Variants in ITSN1 observed in about 807,000 individuals in gnomAD.
ITSN1 encodes the protein intersectin 1, also known as intersectin-1.
In ITSN1, 58 loss-of-function variants were observed where a neutral mutation model predicts 239.8. The observed-to-expected ratio is 0.24, with a 90% confidence interval of 0.20 to 0.30. ITSN1 has a LOEUF of 0.30. Among genes scored for constraint, ITSN1 ranks in the 10% least tolerant of loss-of-function variants. The pLI is 1.00. For synonymous variants in ITSN1, 780 were observed against 770.8 expected (o/e 1.01, Z -0.20); for missense variants, 1,558 against 2,103.3 (o/e 0.74, Z 5.07).
At chr21:33,695,640 GGGCCTTTA>G (rs2091760091) in intron 1 of ITSN1, among the ~76,000 whole-genome samples, 6 of 152,280 alleles carry the variant, frequency 3.9e-5, no homozygotes, top group Non-Finnish European at 7.4e-5. Context: ...GAGTATAAGT[GGGCCTTTA>G]GAAAGTTTTT....
At chr21:33,855,681 C>T (rs1979189973) in intron 29 of ITSN1, among the ~76,000 whole-genome samples, 1 of 152,260 alleles carries the variant, frequency 6.6e-6, no homozygotes, top group Non-Finnish European at 1.5e-5. Flanking sequence ...CATGAGTGAG[C>T]CCCACTTCCA....
chr21:33,838,191 C>T, intron 29 of ITSN1: 6 of 985,342 alleles, frequency 6.1e-6, no homozygotes, highest in Non-Finnish European at 7.2e-6. Context: ...CTGCTCACAG[C>T]ACAGAAAATG....
At chr21:33,722,779 T>C in intron 4 of ITSN1, 128 bp downstream of exon 4, 1 of 876,906 alleles carries the variant, frequency 1.1e-6, no homozygotes, top group Non-Finnish European at 1.6e-6. Context: ...TGAAATATCT[T>C]GTTACTTCTT....
At chr21:33,884,143 C>A (rs1985405957) in intron 36 of ITSN1, among the ~76,000 whole-genome samples, 1 of 152,066 alleles carries the variant, frequency 6.6e-6, no homozygotes, top group African/African-American at 2.4e-5. Flanking sequence ...CTCAAGGGAT[C>A]CACCCGCCTT....
intron 4 of ITSN1, among the ~76,000 whole-genome samples, chr21:33,732,513 A>G (rs986663238): frequency 5.3e-5 from 8 of 152,266 alleles, no homozygotes; most frequent in African/African-American, 1.4e-4. Context: ...CTATTAAACT[A>G]TTAGCTCTAG....
intron 29 of ITSN1, among the ~76,000 whole-genome samples, chr21:33,842,185 G>T (rs545401563): frequency 3.3e-5 from 5 of 151,902 alleles, no homozygotes. Flanking sequence ...GTGAGCCACC[G>T]CGCCCGGCCA....
Position 33,834,399 on chromosome 21 carries a change from A to G in ITSN1, c.3444A>G (p.Pro1148=), listed in dbSNP as rs1376343538. ...PGTSKITPTE[P]PKSTALAAVC... ...CGAGCAAAATCACTCCAACAGAGCC[A>G]CCTAAGTCAACAGCATTAGCGGCAG... The change falls in exon 28 of 40, where the codon CCA becomes CCG. Residue 1148 remains proline (P), a synonymous_variant. Coordinates refer to ENST00000381318, the MANE Select transcript of ITSN1 (RefSeq NM_003024.3). 6.2e-7 allele frequency: 1 copy of G among 1,612,626 alleles called. No individual in the cohort carries two copies. The highest frequency in any genetic ancestry group is 2.2e-5 in the East Asian group (1 of 44,868).
rs2071642052 is a variant in ITSN1, at chr21:33,797,363, G to A, written c.1953-16G>A. 1 of 1,609,576 alleles carries A rather than the reference G, an allele frequency of 6.2e-7. No homozygotes were observed. Among genetic ancestry groups the A allele is most frequent in the African/African-American group, 1.3e-5 (1 of 74,768 alleles). ...AGAGTTGCTTTCTTGCTGTAATCAA[G>A]CGTGTTTGTTGGCAGACGAGCTCAG... On this transcript the variant is annotated splice_polypyrimidine_tract_variant and intron_variant, in intron 17 of 39. Transcript: ENST00000381318. This position sits in a 1 kb window ranked among gnomAD's most constrained non-coding sequence, Gnocchi z 4.9.
Position 33,818,423 on chromosome 21 carries a change from C to T in ITSN1, c.2884C>T (p.Pro962Ser). Residue 962 changes from proline to serine, a missense_variant, in exon 23 of 40, where the codon CCC (proline) becomes TCC (serine). Physicochemically the swap from Pro to Ser is moderately conservative, Grantham distance 74 (BLOSUM62 -1). Coordinates refer to ENST00000381318, the MANE Select transcript of ITSN1 (RefSeq NM_003024.3). The part of the protein sequence containing the change: ...GEVQGQKGWF[P>S]KSYVKLISGP... Reference sequence around the variant, plus strand: ...AGTTCAAGGTCAGAAGGGTTGGTTCCCCAAGTCTTACGTGAAACTCATTTC... The same window carrying T: ...AGTTCAAGGTCAGAAGGGTTGGTTCTCCAAGTCTTACGTGAAACTCATTTC... 1 of 1,614,086 alleles carries T rather than the reference C, an allele frequency of 6.2e-7. No homozygotes were observed. Among genetic ancestry groups the T allele is most frequent in the Non-Finnish European group, 8.5e-7 (1 of 1,180,012 alleles).
intron 1 of ITSN1, among the ~76,000 whole-genome samples, chr21:33,673,345 T>C (rs148830827): frequency 3.3e-4 from 50 of 152,254 alleles, no homozygotes; most frequent in African/African-American, 1.1e-3. Flanking sequence ...CTGGCTAATA[T>C]TGTATTGGAA....
intron 4 of ITSN1, among the ~76,000 whole-genome samples, chr21:33,734,223 A>G (rs906392589): frequency 6.6e-6 from 1 of 152,202 alleles, no homozygotes; most frequent in Admixed American, 6.5e-5. Flanking sequence ...TTGATGATAT[A>G]ATGTAGTTTC....
In ITSN1 at chr21:33,877,078, G is replaced by A. The variant is rs577445645; in HGVS notation, c.4341+1557G>A. ...GGGCACCTTTTTTTTTTTTGAAATG[G>A]AGTCTCGCTCTGTCACCCAGGGTGG... On this transcript the variant is annotated intron_variant, in intron 34 of 39. Transcript: ENST00000381318. Among the ~76,000 whole-genome samples, 83 of 7,678 alleles carry A rather than the reference G, an allele frequency of 0.011. 2 individuals are homozygous for A. The Middle Eastern group carries it at 0.14, about 13-fold the overall frequency. The allele number at this position is 7,678 out of a possible 152,430, so 5.0% of individuals were successfully genotyped here. A position where few individuals can be genotyped will look rare whatever the true frequency, so the allele number is the denominator to read the frequency against.
chr21:33,685,138 CA>C (rs1456816494), intron 1 of ITSN1, among the ~76,000 whole-genome samples: 1 of 152,136 alleles, frequency 6.6e-6, no homozygotes, highest in Non-Finnish European at 1.5e-5. Flanking sequence ...TTCATAGTGA[CA>C]ATAGAAACCA....
In ITSN1 at chr21:33,888,567, A is replaced by G; in HGVS notation, c.*267A>G. ...TGGCTTCTAGGGTCGCTGAAATCCC[A>G]TAGCCCTCAACAGGGTGCAGCTGGG... On this transcript the variant is annotated 3_prime_UTR_variant, in exon 40 of 40. Coordinates refer to ENST00000381318, the MANE Select transcript of ITSN1 (RefSeq NM_003024.3). 2 of 340,854 alleles carry G rather than the reference A, an allele frequency of 5.9e-6. No individual in the cohort carries two copies. Among genetic ancestry groups the G allele is most frequent in the Admixed American group, 4.5e-5 (1 of 22,354 alleles). 21.1% of individuals were successfully genotyped at this position (340,854 alleles called of 1,614,324 possible).
At chr21:33,790,457 A>G (rs779391224) in intron 16 of ITSN1, among the ~76,000 whole-genome samples, 9 of 152,094 alleles carry the variant, frequency 5.9e-5, no homozygotes, top group African/African-American at 1.9e-4. Flanking sequence ...TACATACTCT[A>G]CCTAGTGTAA....
At chr21:33,883,707 G>T (rs1985311058) in intron 36 of ITSN1, 36 bp downstream of exon 36, 1 of 1,606,528 alleles carries the variant, frequency 6.2e-7, no homozygotes, top group Non-Finnish European at 8.5e-7. Context: ...GGGCCCCAGG[G>T]CTCCACGGCT....
intron 16 of ITSN1, among the ~76,000 whole-genome samples, chr21:33,792,056 TTAGA>T (rs2071177900): frequency 6.6e-6 from 1 of 152,158 alleles, no homozygotes; most frequent in African/African-American, 2.4e-5. Context: ...TATTTGTTTG[TTAGA>T]CATTGTGATG....
At chr21:33,717,548 A>G (rs1383886511) in intron 1 of ITSN1, among the ~76,000 whole-genome samples, 4 of 151,682 alleles carry the variant, frequency 2.6e-5, no homozygotes, top group Non-Finnish European at 5.9e-5. Flanking sequence ...CGTAAGGAAA[A>G]ATATTCACTA....
chr21:33,807,738 T>G (rs2148150696), intron 20 of ITSN1, among the ~76,000 whole-genome samples: 1 of 152,250 alleles, frequency 6.6e-6, no homozygotes, highest in South Asian at 2.1e-4. Context: ...AGCAGACGAG[T>G]AGGAGTTCCC....
Sources: allele counts gnomAD v4.1 joint callset (sites outside exome capture counted in the v4.1 genomes callset), GRCh38; gene constraint gnomAD v4.1.1; non-coding constraint Gnocchi (gnomAD v3.1); transcripts MANE v1.5; gene names NCBI Gene and HGNC (gene_info 2026-07-23, HGNC 2026-07-21).